SYNE2: variants seen among roughly 807,000 people sequenced by gnomAD.
SYNE2 encodes the protein nesprin-2.
Under a neutral mutation model 856.3 loss-of-function variants are expected in SYNE2, and 431 were observed. That is an observed-to-expected ratio of 0.50 (90% CI 0.47 to 0.55). The LOEUF (loss-of-function observed/expected upper bound fraction) is 0.55, where lower values mean the gene tolerates loss of function less well. Among genes scored for constraint, SYNE2 ranks in the 20% least tolerant of loss-of-function variants. The pLI is 0.00. For synonymous variants in SYNE2, 2,923 were observed against 2,872.3 expected (o/e 1.02, Z -0.56); for missense variants, 8,129 against 8,023.2 (o/e 1.01, Z -0.50).
At chr14:64,137,737 G>A in intron 78 of SYNE2, 50 bp from the exon 79 acceptor site, 1 of 1,593,408 alleles carries the variant, frequency 6.3e-7, no homozygotes, top group Non-Finnish European at 8.6e-7. Flanking sequence ...GAATAGCTTG[G>A]CAGACTTTAT....
At chr14:63,771,069 T>C (rs894854811) in intron 1 of SYNE2, among the ~76,000 whole-genome samples, 1 of 144,518 alleles carries the variant, frequency 6.9e-6, no homozygotes, top group South Asian at 2.2e-4. Context: ...ATACACTCTT[T>C]TTTTTTTTTT....
chr14:63,982,080 C>T (rs1307598386), intron 16 of SYNE2, among the ~76,000 whole-genome samples: 1 of 152,146 alleles, frequency 6.6e-6, no homozygotes, highest in Non-Finnish European at 1.5e-5. Flanking sequence ...ACTTACAGAA[C>T]ACTCTAAAAT....
rs778541914 is a variant in SYNE2, at chr14:64,202,869, C to G, written c.18107C>G (p.Thr6036Ser). The part of the protein sequence containing the change: ...QLDKNMSNLR[T>S]WLARIESELS... The stretch of plus-strand genomic sequence containing the variant: ...GACAAAAACATGAGCAACCTTCGCA[C>G]CTGGTTGGCTCGAATTGAGTCTGAG... The change falls in exon 100 of 116, where the codon ACC becomes AGC. Residue 6036 changes from threonine to serine, a missense_variant. Around this residue, in one of 3 missense-constraint regions of SYNE2, gnomAD observed 5,410 missense variants for 5,284.8 expected, o/e 1.02. Transcript: ENST00000555002. The G allele has an allele frequency of 1.9e-6, 3 of 1,614,162 alleles. No individual in the cohort carries two copies. The highest frequency in any genetic ancestry group is 1.7e-6 in the Non-Finnish European group (2 of 1,180,026).
intron 1 of SYNE2, among the ~76,000 whole-genome samples, chr14:63,815,284 C>A (rs1363446871): frequency 1.1e-5 from 1 of 87,988 alleles, no homozygotes; most frequent in East Asian, 2.8e-4. Flanking sequence ...GTGTATTAAA[C>A]TCACAGGATC....
chr14:63,839,671 G>A (rs1889981520), intron 1 of SYNE2, among the ~76,000 whole-genome samples: 1 of 151,852 alleles, frequency 6.6e-6, no homozygotes, highest in South Asian at 2.1e-4. Context: ...CTCTGGCCTG[G>A]GCAACAGAGC....
chr14:64,099,210 G>A, intron 63 of SYNE2: 3 of 266,522 alleles, frequency 1.1e-5, no homozygotes, highest in Middle Eastern at 1.5e-3. Flanking sequence ...CCAATGACAT[G>A]AAGAGTTGTG....
intron 2 of SYNE2, among the ~76,000 whole-genome samples, chr14:63,916,079 T>C (rs1019927778): frequency 2.0e-5 from 3 of 152,188 alleles, no homozygotes; most frequent in Non-Finnish European, 2.9e-5. Context: ...TGCTTGTTGA[T>C]GTCATGTGGA....
rs770514146 is a variant in SYNE2 at position 64,170,477 on chromosome 14, G to T, written c.17235+15G>T. On this transcript the variant is annotated intron_variant, in intron 94 of 115. Transcript: ENST00000555002. ...ATGAGCTGAAGGTAGTGTATGCATC[G>T]TAGCAGTGTGAGAACCACAGGGTGG... The T allele has an allele frequency of 1.0e-5, 16 of 1,594,442 alleles. No individual in the cohort carries two copies. The highest frequency in any genetic ancestry group is 1.4e-5 in the Non-Finnish European group (16 of 1,168,880).
At position 64,051,737 on chromosome 14, in the gene SYNE2, A is replaced by G. The variant is rs1464101950; in HGVS notation, c.7824A>G (p.Glu2608=). The G allele has an allele frequency of 6.2e-7, 1 of 1,614,108 alleles. No homozygotes were observed. The highest frequency in any genetic ancestry group is 8.5e-7 in the Non-Finnish European group (1 of 1,180,034). The change falls in exon 48 of 116, where the codon GAA becomes GAG. Residue 2608 remains glutamate, a synonymous_variant. Coordinates refer to ENST00000555002, the MANE Select transcript of SYNE2 (RefSeq NM_182914.3). ...SQIKQLEHGW[E]QVEQQIQKKY... ...TTAAGCAACTTGAACATGGTTGGGA[A>G]CAAGTGGAACAGCAGATTCAAAAGA...
At chr14:64,053,704 C>T (rs775963117) in intron 48 of SYNE2, 47 bp downstream of exon 48, 29 of 1,567,508 alleles carry the variant, frequency 1.9e-5, no homozygotes, top group South Asian at 2.4e-5. Context: ...CGGGGGCTCA[C>T]GCCTGTAATC....
At chr14:64,157,080 C>T (rs993468929) in intron 85 of SYNE2, among the ~76,000 whole-genome samples, 1 of 152,174 alleles carries the variant, frequency 6.6e-6, no homozygotes, top group Non-Finnish European at 1.5e-5. Flanking sequence ...CAACCCAGAT[C>T]CTTTTTAAAA....
intron 1 of SYNE2, among the ~76,000 whole-genome samples, chr14:63,841,832 C>CTTTCT (rs1555343898): frequency 5.2e-5 from 6 of 115,056 alleles, no homozygotes; most frequent in East Asian, 5.0e-4. Context: ...TTCTTTCTTT[C>CTTTCT]TTTTTTTTTT....
At chr14:63,994,984 A>G (rs2096701596) in intron 22 of SYNE2, 60 bp from the exon 23 acceptor site, 4 of 1,131,950 alleles carry the variant, frequency 3.5e-6, no homozygotes, top group African/African-American at 3.2e-5. Context: ...TTGTTACTAT[A>G]AATACTTTTT....
At chr14:63,977,296 A>T (rs964856760) in intron 12 of SYNE2, among the ~76,000 whole-genome samples, 7 of 152,004 alleles carry the variant, frequency 4.6e-5, no homozygotes, top group African/African-American at 1.4e-4. Context: ...CACTGCAAGC[A>T]CCGCCTCCTG....
At position 64,017,596 on chromosome 14, in the gene SYNE2, TAAATG is replaced by T; in HGVS notation, c.4891_4895del (p.Asn1631GlufsTer7). The T allele has an allele frequency of 6.2e-7, 1 of 1,610,220 alleles. No homozygotes were observed. Among genetic ancestry groups the T allele is most frequent in the South Asian group, 1.1e-5 (1 of 90,948 alleles). ...GTTTCTCTTTTTAAATTATGGTAGA[TAAATG>T]AGAAGACAGAAGATTACTATGAAAA... On this transcript the variant is annotated frameshift_variant and splice_region_variant, in exon 34 of 116. Coordinates refer to ENST00000555002, the MANE Select transcript of SYNE2 (RefSeq NM_182914.3). LOFTEE classifies it high-confidence loss of function.
At chr14:64,099,428 G>A (rs2097703096) in intron 63 of SYNE2, 1 of 170,788 alleles carries the variant, frequency 5.9e-6, no homozygotes, top group Non-Finnish European at 1.3e-5. Flanking sequence ...TCATTTTATA[G>A]ATGGTTAAAT....
At position 63,990,854 on chromosome 14, in the gene SYNE2, T is replaced by C; in HGVS notation, c.2473-88T>C. Reference sequence around the variant, plus strand: ...AGATAGATATCTAAATATCTTTGTCTAGTGGGAAAATAACAAAGTATTTGT... The same window carrying C: ...AGATAGATATCTAAATATCTTTGTCCAGTGGGAAAATAACAAAGTATTTGT... On this transcript the variant is annotated intron_variant, in intron 20 of 115. Coordinates refer to ENST00000555002, the MANE Select transcript of SYNE2 (RefSeq NM_182914.3). 9.6e-6 allele frequency: 10 copies of C among 1,046,566 alleles called. No homozygotes were observed. The South Asian group carries it at 1.3e-4, about 14-fold the overall frequency. The allele number at this position is 1,046,566 out of a possible 1,614,324, so 64.8% of individuals were successfully genotyped here. A position where few individuals can be genotyped will look rare whatever the true frequency, so the allele number is the denominator to read the frequency against.
At chr14:64,080,748 G>A in intron 56 of SYNE2, 110 bp downstream of exon 56, 1 of 1,385,746 alleles carries the variant, frequency 7.2e-7, no homozygotes, top group Non-Finnish European at 1.0e-6. Context: ...ATCAGTTTTG[G>A]ACTTGAAGCT....
At chr14:63,893,604 T>C (rs1213090457) in intron 1 of SYNE2, among the ~76,000 whole-genome samples, 1 of 152,180 alleles carries the variant, frequency 6.6e-6, no homozygotes, top group Non-Finnish European at 1.5e-5. Flanking sequence ...GCTCAAGTTA[T>C]TAATTTATTC....
Sources: allele counts gnomAD v4.1 joint callset (sites outside exome capture counted in the v4.1 genomes callset), GRCh38; gene constraint gnomAD v4.1.1; regional missense constraint gnomAD v4.1.1; transcripts MANE v1.5; gene names NCBI Gene and HGNC (gene_info 2026-07-23, HGNC 2026-07-21).